The following MED12 variants were observed in gnomAD, a reference collection of about 807,000 sequenced individuals.
MED12 encodes the protein mediator of RNA polymerase II transcription subunit 12.
MED12 carries 10 observed loss-of-function variants against 177.7 expected under a neutral mutation model. That is an observed-to-expected ratio of 0.06 (90% CI 0.03 to 0.10). MED12 has a LOEUF of 0.10. MED12 is among the 10% of genes least tolerant of loss of function. The pLI is 1.00. For synonymous variants in MED12, 641 were observed against 678.4 expected (o/e 0.94, Z 0.86); for missense variants, 867 against 1,780.8 (o/e 0.49, Z 9.23).
rs745671946 is a variant in MED12, at chrX:71,121,830, G to C, written c.1101+14G>C. ...TGTATCCTACAGGTAGGTACTAGGC[G>C]GGCCCAAGGAAGCATTGAGAGATAG... On this transcript the variant is annotated intron_variant, in intron 7 of 44. Transcript: ENST00000374080. The C allele has an allele frequency of 2.5e-6, 3 of 1,211,956 alleles. No homozygotes were observed. Among genetic ancestry groups the C allele is most frequent in the Admixed American group, 2.2e-5 (1 of 46,076 alleles).
rs771420884 is a variant in MED12 at position 71,123,591 on chromosome X, C to T, written c.1618-3C>T. ...TTCTACAATTTGTTCTGTCATCTTG[C>T]AGCGTTGTGGAGAATCAGAAGCCGC... On this transcript the variant is annotated splice_region_variant and splice_polypyrimidine_tract_variant and intron_variant, in intron 11 of 44. Transcript: ENST00000374080. 5.8e-6 allele frequency: 7 copies of T among 1,209,195 alleles called. No individual in the cohort carries two copies. In the South Asian group the frequency reaches 1.1e-4, roughly 18 times the overall value.
intron 41 of MED12, among the ~76,000 whole-genome samples, chrX:71,140,246 T>C (rs73634864): frequency 0.036 from 3,846 of 105,944 alleles, 177 homozygotes; most frequent in African/African-American, 0.13. Context: ...CGCTCAGCTA[T>C]TTTTTTTTGT....
rs780779497 is a variant in MED12, at chrX:71,142,135, G to A, written c.6491-40G>A. ...TTTCCTCGTGCATACCCACACCCCT[G>A]CCTGGTCTTCCATCCCTGATAATCT... On this transcript the variant is annotated intron_variant, in intron 44 of 44. Coordinates refer to ENST00000374080, the MANE Select transcript of MED12 (RefSeq NM_005120.3). The A allele has an allele frequency of 9.5e-5, 113 of 1,193,066 alleles. 1 individual carries two copies. The Middle Eastern group carries it at 2.6e-3, about 27-fold the overall frequency.
intron 38 of MED12, 40 bp from the exon 39 acceptor site, chrX:71,137,147 G>C: frequency 8.3e-7 from 1 of 1,200,186 alleles, no homozygotes; most frequent in African/African-American, 1.7e-5. Flanking sequence ...AAGAGACAGA[G>C]GGATGAGGAG....
intron 42 of MED12, 107 bp from the exon 43 acceptor site, chrX:71,141,123 A>G (rs923174482): frequency 6.9e-4 from 796 of 1,147,791 alleles, no homozygotes; most frequent in Non-Finnish European, 8.5e-4. Flanking sequence ...AAGGCAGTAG[A>G]CCCCGAGCTC....
In MED12 at chrX:71,118,690, C is replaced by G; in HGVS notation, c.-65C>G. On this transcript the variant is annotated 5_prime_UTR_variant, in exon 1 of 45. Transcript: ENST00000374080. ...ACCGCCCCCCTTTTCGGCTCCCTCT[C>G]CCCCTTCCCGTTCCCCCAGTCAGCC... 1 of 1,080,690 alleles carries G rather than the reference C, an allele frequency of 9.3e-7. No homozygotes were observed. The highest frequency in any genetic ancestry group is 1.3e-6 in the Non-Finnish European group (1 of 791,752). The allele number at this position is 1,080,690 out of a possible 1,213,427, so 89.1% of individuals were successfully genotyped here. A position where few individuals can be genotyped will look rare whatever the true frequency, so the allele number is the denominator to read the frequency against.
chrX:71,136,131 C>G (rs1216565901), intron 36 of MED12, 150 bp from the exon 37 acceptor site: 8 of 664,104 alleles, frequency 1.2e-5, no homozygotes, highest in Non-Finnish European at 1.9e-5. Context: ...CTCTCTTCCG[C>G]ATGTATATGT....
intron 28 of MED12, 58 bp downstream of exon 28, chrX:71,130,272 A>G (rs1297561923): frequency 9.1e-7 from 1 of 1,096,830 alleles, no homozygotes; most frequent in Non-Finnish European, 1.2e-6. Flanking sequence ...GGGGAGAAAC[A>G]ATAGGAACCT....
intron 24 of MED12, 96 bp downstream of exon 24, chrX:71,128,814 G>C: frequency 9.5e-7 from 1 of 1,056,536 alleles, no homozygotes; most frequent in South Asian, 1.9e-5. Flanking sequence ...GGGAGACCTT[G>C]CTGCGGCTCC....
chrX:71,136,078 A>C (rs2092331665), intron 36 of MED12, among the ~76,000 whole-genome samples: 1 of 99,317 alleles, frequency 1.0e-5, no homozygotes, highest in Non-Finnish European at 2.0e-5. Flanking sequence ...TTGTGCCTCC[A>C]CACCTCTCCC....
At position 71,122,230 on chromosome X, in the gene MED12, G is replaced by A. The variant is rs779969587; in HGVS notation, c.1132G>A (p.Val378Ile). 3 of 1,209,721 alleles carry A rather than the reference G, an allele frequency of 2.5e-6. No individual in the cohort carries two copies. The highest frequency in any genetic ancestry group is 4.4e-5 in the Admixed American group (2 of 45,804). Residue 378 changes from valine (V) to isoleucine (I), a missense_variant, in exon 8 of 45, where the codon GTT becomes ATT. Val to Ile is a conservative substitution (Grantham distance 29, BLOSUM62 3). Transcript: ENST00000374080. ...CCTCCTGTGCTGTCCTAGTGCCTTG[G>A]TTTGGCACTACTCACTGACTGATAG... Reference protein sequence around the residue: ...TILLCCPSALVWHYSLTDSRI... With the variant: ...TILLCCPSALIWHYSLTDSRI...
rs2092322558 is a variant in MED12, at chrX:71,132,975, T to C, written c.4527+19T>C. 2 of 1,140,223 alleles carry C rather than the reference T, an allele frequency of 1.8e-6. No homozygotes were observed. Among genetic ancestry groups the C allele is most frequent in the Non-Finnish European group, 2.4e-6 (2 of 842,506 alleles). 94.0% of individuals were successfully genotyped at this position (1,140,223 alleles called of 1,213,427 possible). A position where few individuals can be genotyped will look rare whatever the true frequency, so the allele number is the denominator to read the frequency against. On this transcript the variant is annotated intron_variant, in intron 32 of 44. Transcript: ENST00000374080. ...GCACCAGGTACAGATCTCTGGGCCATGGAGGTGGGCAGGAGGTCAGGGAAG... is the reference window on the plus strand; with the variant it reads ...GCACCAGGTACAGATCTCTGGGCCACGGAGGTGGGCAGGAGGTCAGGGAAG...
At chrX:71,122,715 C>T (rs1199677882) in intron 9 of MED12, 23 bp from the exon 10 acceptor site, 4 of 1,209,543 alleles carry the variant, frequency 3.3e-6, no homozygotes, top group South Asian at 1.8e-5. Context: ...GGTTCAGTCC[C>T]CTTTACCACT....
intron 17 of MED12, 97 bp downstream of exon 17, chrX:71,125,810 T>C (rs2092301695): frequency 1.3e-6 from 1 of 799,730 alleles, no homozygotes; most frequent in Non-Finnish European, 1.9e-6. Context: ...GTCCACATAG[T>C]CTGTGGTCCT....
In MED12 at chrX:71,142,364, G is replaced by A; in HGVS notation, c.*146G>A. ...ATAAGTTTTTAGTATTTTTGTTAATGTGAGGCATTGAGCTGTTGGGTTTTG... is the reference window on the plus strand; with the variant it reads ...ATAAGTTTTTAGTATTTTTGTTAATATGAGGCATTGAGCTGTTGGGTTTTG... On this transcript the variant is annotated 3_prime_UTR_variant, in exon 45 of 45. Coordinates refer to ENST00000374080, the MANE Select transcript of MED12 (RefSeq NM_005120.3). 8.9e-6 allele frequency: 5 copies of A among 560,880 alleles called. No homozygotes were observed. Among genetic ancestry groups the A allele is most frequent in the East Asian group, 3.6e-5 (1 of 27,938 alleles). 46.2% of individuals were successfully genotyped at this position (560,880 alleles called of 1,213,427 possible). A position where few individuals can be genotyped will look rare whatever the true frequency, so the allele number is the denominator to read the frequency against.
chrX:71,131,571 C>T lies in MED12; in HGVS notation c.4069C>T (p.Arg1357Cys), dbSNP rs1474736821. 8.3e-7 allele frequency: 1 copy of T among 1,210,664 alleles called. No individual in the cohort carries two copies. Among genetic ancestry groups the T allele is most frequent in the Non-Finnish European group, 1.1e-6 (1 of 895,091 alleles). Residue 1357 changes from arginine to cysteine, a missense_variant, in exon 29 of 45, where the codon CGC becomes TGC. Transcript: ENST00000374080. ...ILQNLDQWTM[R>C]QSSLELQLMI... ...ACAGAACTTGGACCAGTGGACCATG[C>T]GCCAGTCTTCCTTGGAGCTGCAGCT...
Position 71,137,227 on chromosome X carries a change from A to G in MED12, c.5592A>G (p.Pro1864=), listed in dbSNP as rs1392245437. The G allele has an allele frequency of 8.3e-7, 1 of 1,211,637 alleles. No individual in the cohort carries two copies. Among genetic ancestry groups the G allele is most frequent in the South Asian group, 1.8e-5 (1 of 56,989 alleles). ...ACCCATACCGTCCTGTGCGCTTACC[A>G]ATGCAGAAGCTGCCCACCCGACCAA... ...RVDPYRPVRL[P]MQKLPTRPTY... Residue 1864 remains proline (P), a synonymous_variant, in exon 39 of 45, where the codon CCA becomes CCG. Transcript: ENST00000374080.
intron 34 of MED12, 107 bp downstream of exon 34, chrX:71,134,573 G>A (rs2092327421): frequency 4.1e-6 from 4 of 964,332 alleles, no homozygotes; most frequent in South Asian, 2.0e-5. Context: ...TGTGGACTCC[G>A]TGGCCCTGGG....
intron 21 of MED12, 54 bp downstream of exon 21, chrX:71,127,521 A>G: frequency 1.8e-6 from 2 of 1,095,520 alleles, no homozygotes; most frequent in Non-Finnish European, 2.5e-6. Context: ...CCTTCTTCCC[A>G]TGACCACCCA....
Sources: gnomAD v4.1 joint callset for allele counts (sites outside exome capture counted in the v4.1 genomes callset) on GRCh38, gnomAD v4.1.1 for gene constraint, MANE v1.5 for transcripts, NCBI Gene and HGNC (gene_info 2026-07-23, HGNC 2026-07-21) for gene names.